Variants in NAV2 observed in about 807,000 individuals in gnomAD.
NAV2 encodes neuron navigator 2.
In NAV2, 54 loss-of-function variants were observed where a neutral mutation model predicts 223.2. The observed-to-expected ratio is 0.24, with a 90% confidence interval of 0.19 to 0.30. The LOEUF is 0.30. NAV2 is among the 10% of genes least tolerant of loss of function. NAV2 has a pLI of 1.00. For missense variants in NAV2, 2,806 were observed against 3,147.5 expected (o/e 0.89, Z 2.60); for synonymous variants, 1,279 against 1,239.3 (o/e 1.03, Z -0.67).
At chr11:19,482,181 C>A (rs763986167) in intron 1 of NAV2, among the ~76,000 whole-genome samples, 1 of 152,126 alleles carries the variant, frequency 6.6e-6, no homozygotes, top group Non-Finnish European at 1.5e-5. Flanking sequence ...CACAACAACC[C>A]AAGAAGGCAA....
chr11:19,850,859 T>C (rs573485194), intron 3 of NAV2, among the ~76,000 whole-genome samples: 9 of 152,350 alleles, frequency 5.9e-5, no homozygotes, highest in African/African-American at 2.2e-4. Context: ...ATAACCATCC[T>C]ATAGAATGAG....
At chr11:19,884,218 T>C (rs1451986097) in intron 5 of NAV2, 13 of 1,088,246 alleles carry the variant, frequency 1.2e-5, no homozygotes, top group Admixed American at 5.3e-5. Context: ...GTCAGAAGAC[T>C]CTTAGGATTT....
At chr11:19,447,639 G>T (rs1655761072) in intron 1 of NAV2, among the ~76,000 whole-genome samples, 1 of 152,154 alleles carries the variant, frequency 6.6e-6, no homozygotes, top group African/African-American at 2.4e-5. Flanking sequence ...ACATAGGTGG[G>T]GTAAATATCA....
At chr11:19,617,075 C>T (rs1026036975) in intron 1 of NAV2, among the ~76,000 whole-genome samples, 10 of 151,894 alleles carry the variant, frequency 6.6e-5, no homozygotes, top group Non-Finnish European at 1.5e-4. Flanking sequence ...TCCTTTTTTC[C>T]CCTATTTTCT....
chr11:19,523,646 T>C (rs1006872238), intron 1 of NAV2, among the ~76,000 whole-genome samples: 4 of 152,234 alleles, frequency 2.6e-5, no homozygotes, highest in Non-Finnish European at 5.9e-5. Flanking sequence ...AGGAAGTCCA[T>C]GTGCCATGAG....
intron 1 of NAV2, among the ~76,000 whole-genome samples, chr11:19,753,574 T>G (rs554655792): frequency 1.3e-5 from 2 of 152,356 alleles, no homozygotes; most frequent in African/African-American, 2.4e-5. Context: ...TGTCATTGCA[T>G]TAGTCAGACT....
intron 1 of NAV2, among the ~76,000 whole-genome samples, chr11:19,474,513 C>T (rs1352139636): frequency 6.6e-6 from 1 of 152,180 alleles, no homozygotes; most frequent in Non-Finnish European, 1.5e-5. Context: ...CAAAAGAAGG[C>T]TACTGTGGGC....
At chr11:19,401,358 C>G (rs1246815588) in intron 1 of NAV2, among the ~76,000 whole-genome samples, 4 of 152,212 alleles carry the variant, frequency 2.6e-5, no homozygotes, top group African/African-American at 9.6e-5. Context: ...TGGAATCCAA[C>G]TGTACCCCTG....
At chr11:19,370,510 G>A (rs1470043818) in intron 1 of NAV2, among the ~76,000 whole-genome samples, 1 of 152,228 alleles carries the variant, frequency 6.6e-6, no homozygotes, top group East Asian at 1.9e-4. Context: ...TTGGCACGTG[G>A]TTGCCCACTC....
chr11:19,988,801 G>A (rs905801863), intron 11 of NAV2, among the ~76,000 whole-genome samples: 11 of 152,156 alleles, frequency 7.2e-5, no homozygotes, highest in Non-Finnish European at 1.5e-4. Flanking sequence ...TCCTTGCTGG[G>A]AGTGTCATAA....
At chr11:19,794,004 C>T (rs35535148) in intron 1 of NAV2, among the ~76,000 whole-genome samples, 43,726 of 151,792 alleles carry the variant, frequency 0.29, 7,165 homozygotes, top group East Asian at 0.68. Flanking sequence ...GGGTACATCA[C>T]AAACTGAAAT....
chr11:19,705,088 GAAATAAAT>G (rs10646001), intron 1 of NAV2, among the ~76,000 whole-genome samples: 164 of 147,844 alleles, frequency 1.1e-3, no homozygotes, highest in South Asian at 4.9e-3. Flanking sequence ...TCAATTCGTA[GAAATAAAT>G]AAATAAATAA....
intron 19 of NAV2, among the ~76,000 whole-genome samples, chr11:20,057,618 G>A (rs1227448364): frequency 3.3e-5 from 5 of 152,134 alleles, no homozygotes; most frequent in Non-Finnish European, 5.9e-5. Context: ...GCCAAGCATC[G>A]CCACAGAGCA....
At chr11:19,754,660 G>A (rs1170527636) in intron 1 of NAV2, among the ~76,000 whole-genome samples, 1 of 152,142 alleles carries the variant, frequency 6.6e-6, no homozygotes, top group Non-Finnish European at 1.5e-5. Context: ...TTTACCCCAT[G>A]ACAACAACCC....
chr11:19,650,494 G>A (rs1402822339), intron 1 of NAV2, among the ~76,000 whole-genome samples: 1 of 152,146 alleles, frequency 6.6e-6, no homozygotes, highest in Non-Finnish European at 1.5e-5. Context: ...AAGCCTCCTG[G>A]TTGTGGTACT....
intron 1 of NAV2, among the ~76,000 whole-genome samples, chr11:19,601,462 G>A (rs796948046): frequency 6.6e-6 from 1 of 152,266 alleles, no homozygotes; most frequent in African/African-American, 2.4e-5. Context: ...ATGTGTGTCA[G>A]TCTGGGCTTC....
At chr11:19,731,004 A>T (rs1031853217) in intron 1 of NAV2, among the ~76,000 whole-genome samples, 1 of 152,254 alleles carries the variant, frequency 6.6e-6, no homozygotes, top group African/African-American at 2.4e-5. Flanking sequence ...CATGGGACAC[A>T]CTTAAACCAA....
In NAV2 at chr11:20,112,706, A is replaced by C. The variant is rs567118585; in HGVS notation, c.6961-1886A>C. Among the ~76,000 whole-genome samples, 265 of 152,252 alleles carry C rather than the reference A, an allele frequency of 1.7e-3. 1 individual carries two copies. Among genetic ancestry groups the C allele is most frequent in the African/African-American group, 6.1e-3 (253 of 41,546 alleles). ...CAGTCAGGAGGGGTGGAGAGGAAAA[A>C]GGCCTGGCAAAGGAAGCTGAGGTTC... On this transcript the variant is annotated intron_variant, in intron 36 of 37. Coordinates refer to ENST00000349880, the MANE Select transcript of NAV2 (RefSeq NM_145117.5).
At chr11:19,603,646 A>C (rs557329183) in intron 1 of NAV2, among the ~76,000 whole-genome samples, 1 of 151,526 alleles carries the variant, frequency 6.6e-6, no homozygotes, top group Non-Finnish European at 1.5e-5. Context: ...AAAAAAAAAA[A>C]AAAGAAAAAA....
Sources: gnomAD v4.1 joint callset for allele counts (sites outside exome capture counted in the v4.1 genomes callset) on GRCh38, gnomAD v4.1.1 for gene constraint, MANE v1.5 for transcripts, NCBI Gene and HGNC (gene_info 2026-07-23, HGNC 2026-07-21) for gene names.